Variants in CELSR2 observed in about 807,000 individuals in gnomAD.
The protein encoded by CELSR2 is EGF-like protein 2.
CELSR2 carries 81 observed loss-of-function variants against 251.6 expected under a neutral mutation model. That is an observed-to-expected ratio of 0.32 (90% CI 0.27 to 0.39). The LOEUF (loss-of-function observed/expected upper bound fraction) is 0.39, where lower values mean the gene tolerates loss of function less well. Among genes scored for constraint, CELSR2 ranks in the 10% least tolerant of loss-of-function variants. The pLI is 1.00. For synonymous variants in CELSR2, 1,721 were observed against 1,670.5 expected (o/e 1.03, Z -0.74); for missense variants, 3,365 against 3,947.7 (o/e 0.85, Z 3.96).
intron 1 of CELSR2, among the ~76,000 whole-genome samples, chr1:109,256,132 A>T (rs1031829722): frequency 1.3e-5 from 2 of 152,206 alleles, no homozygotes; most frequent in Non-Finnish European, 2.9e-5. Context: ...TACCAGGTAT[A>T]CAAGAGCTCT....
chr1:109,267,727 C>T, intron 16 of CELSR2, 85 bp downstream of exon 16: 1 of 1,560,458 alleles, frequency 6.4e-7, no homozygotes, highest in Non-Finnish European at 8.7e-7. Context: ...GAGAACGGGG[C>T]TTCTGGAATT....
chr1:109,264,454 G>A lies in CELSR2; in HGVS notation c.5290G>A (p.Gly1764Ser), dbSNP rs1458663629. 6.2e-7 allele frequency: 1 copy of A among 1,611,790 alleles called. No individual in the cohort carries two copies. The highest frequency in any genetic ancestry group is 1.1e-5 in the South Asian group (1 of 91,060). ...VARGFRGCLQGVRVSDTPEGV... is the reference protein window; with the variant it reads ...VARGFRGCLQSVRVSDTPEGV... ...GCAACACTGCTCCTGTCCCTCCCAG[G>A]GTGTGCGGGTGAGCGATACGCCGGA... is the stretch of plus-strand genomic sequence containing the variant. Residue 1764 changes from glycine (G) to serine (S), a missense_variant and splice_region_variant, in exon 11 of 34, where the codon GGT becomes AGT. By Grantham distance (56) the Gly-to-Ser change is moderately conservative. Coordinates refer to ENST00000271332, the MANE Select transcript of CELSR2 (RefSeq NM_001408.3).
At position 109,261,788 on chromosome 1, in the gene CELSR2, T is replaced by A. The variant is rs769583748; in HGVS notation, c.4298-20T>A. ...CCTAGCCCTCGTCAGGCATTCCAGCTCACCTGGTCCTTTCCCCAGGGGAGT... is the reference window on the plus strand; with the variant it reads ...CCTAGCCCTCGTCAGGCATTCCAGCACACCTGGTCCTTTCCCCAGGGGAGT... On this transcript the variant is annotated intron_variant, in intron 4 of 33. Coordinates refer to ENST00000271332, the MANE Select transcript of CELSR2 (RefSeq NM_001408.3). The surrounding 1 kb of genome is among the most constrained non-coding windows in gnomAD (Gnocchi z 4.8). 6.3e-7 allele frequency: 1 copy of A among 1,580,486 alleles called. No homozygotes were observed. Among genetic ancestry groups the A allele is most frequent in the African/African-American group, 1.3e-5 (1 of 74,104 alleles).
rs763005870 is a variant in CELSR2 at position 109,261,211 on chromosome 1, C to T, written c.4128C>T (p.Ser1376=). The part of the protein sequence containing the change: ...QVTTRSFPAH[S]FITFRGLRQR... ...CCACGCGCAGCTTCCCCGCCCACTC[C>T]TTCATCACCTTTCGCGGCCTGCGCC... The change falls in exon 3 of 34, where the codon TCC becomes TCT. Residue 1376 remains serine, a synonymous_variant. Transcript: ENST00000271332. The surrounding 1 kb of genome is among the most constrained non-coding windows in gnomAD (Gnocchi z 4.8). 23 of 1,613,962 alleles carry T rather than the reference C, an allele frequency of 1.4e-5. 1 individual carries two copies. In the South Asian group the frequency reaches 2.1e-4, roughly 15 times the overall value.
rs1655700605 is a variant in CELSR2 at position 109,251,842 on chromosome 1, C to T, written c.1763C>T (p.Pro588Leu). 3 of 1,614,148 alleles carry T rather than the reference C, an allele frequency of 1.9e-6. No homozygotes were observed. The highest frequency in any genetic ancestry group is 8.5e-7 in the Non-Finnish European group (1 of 1,180,016). ...GTAGAAGCTCGAGACCATGGCACTC[C>T]AGCACTCACTGCCTCGGCCAGTGTC... ...FGVEARDHGT[P>L]ALTASASVSV... Residue 588 changes from proline to leucine, a missense_variant, in exon 1 of 34, where the codon CCA (proline) becomes CTA (leucine). Transcript: ENST00000271332. The surrounding 1 kb of genome is among the most constrained non-coding windows in gnomAD (Gnocchi z 4.9).
chr1:109,264,659 T>A (rs186752089), intron 11 of CELSR2, 31 bp downstream of exon 11: 1 of 1,600,788 alleles, frequency 6.2e-7, no homozygotes, highest in East Asian at 2.2e-5. Flanking sequence ...AACGGGCAGG[T>A]TATCAGGTGC....
chr1:109,268,445 CAG>C, intron 17 of CELSR2, 134 bp from the exon 18 acceptor site: 1 of 1,198,120 alleles, frequency 8.3e-7, no homozygotes, highest in Non-Finnish European at 1.1e-6. Context: ...AGGAGCATTT[CAG>C]GGGAGGCAAC....
In CELSR2 at chr1:109,253,316, G is replaced by T; in HGVS notation, c.3237G>T (p.Thr1079=). ...ELSLVLLNAS[T]GELKLSRALD... is the part of the protein sequence containing the mutation. ...GCCTGGTCCTGCTCAATGCCTCCAC[G>T]GGTGAGCTGAAGCTAAGCCGCGCAC... Residue 1079 remains threonine, a synonymous_variant, in exon 1 of 34, where the codon ACG becomes ACT. Coordinates refer to ENST00000271332, the MANE Select transcript of CELSR2 (RefSeq NM_001408.3). 2 of 1,613,404 alleles carry T rather than the reference G, an allele frequency of 1.2e-6. No homozygotes were observed. The highest frequency in any genetic ancestry group is 2.2e-5 in the South Asian group (2 of 91,078).
chr1:109,258,811 C>T lies in CELSR2; in HGVS notation c.3690C>T (p.Asn1230=), dbSNP rs1419905630. The T allele has an allele frequency of 2.5e-6, 4 of 1,611,668 alleles. No individual in the cohort carries two copies. The African/African-American group carries it at 4.0e-5, about 16-fold the overall frequency. ...SAQRVLPFDD[N]ICLREPCENY... ...AGCGCGTGCTGCCCTTCGACGACAA[C>T]ATCTGCCTGCGGGAGCCCTGCGAGA... The change falls in exon 2 of 34, where the codon AAC becomes AAT. Residue 1230 remains asparagine, a synonymous_variant. Transcript: ENST00000271332.
Position 109,249,741 on chromosome 1 carries a change from C to A in CELSR2, c.-339C>A, listed in dbSNP as rs1041253237. 3.4e-5 allele frequency among the ~76,000 whole-genome samples: 5 copies of A among 149,160 alleles called. No homozygotes were observed. The highest frequency in any genetic ancestry group is 1.2e-4 in the African/African-American group (5 of 41,046). On this transcript the variant is annotated 5_prime_UTR_variant, in exon 1 of 34. Transcript: ENST00000271332. ...TCCCATAGGGGCGGAGGGGGCACCC[C>A]GGCTCCGGAACCCGGGGCCCGGCAA...
Position 109,273,616 on chromosome 1 carries a change from C to T in CELSR2, c.8690C>T (p.Pro2897Leu), listed in dbSNP as rs549643158. The part of the protein sequence containing the change: ...SLQEQLNGVM[P>L]IAMSIKAGTV... Reference sequence around the variant, plus strand: ...CAGGAGCAGCTGAACGGGGTCATGCCCATCGCCATGAGCATCAAGGCAGGC... The same window carrying T: ...CAGGAGCAGCTGAACGGGGTCATGCTCATCGCCATGAGCATCAAGGCAGGC... The change falls in exon 33 of 34, where the codon CCC (proline) becomes CTC (leucine). Residue 2897 changes from proline (P) to leucine (L), a missense_variant. Physicochemically the swap from Pro to Leu is moderately conservative, Grantham distance 98. Around this residue, in one of 5 missense-constraint regions of CELSR2, gnomAD observed 2,093 missense variants for 2,382.8 expected, o/e 0.88. Coordinates refer to ENST00000271332, the MANE Select transcript of CELSR2 (RefSeq NM_001408.3). 2 of 1,533,740 alleles carry T rather than the reference C, an allele frequency of 1.3e-6. No homozygotes were observed. The highest frequency in any genetic ancestry group is 2.4e-5 in the South Asian group (2 of 83,008).
intron 9 of CELSR2, 29 bp from the exon 10 acceptor site, chr1:109,264,049 G>C (rs1321123269): frequency 5.2e-6 from 8 of 1,547,476 alleles, no homozygotes; most frequent in Admixed American, 3.7e-5. Flanking sequence ...GCCGTCTGCT[G>C]ACCCTGTTTT....
chr1:109,270,634 C>T (rs1276899313), intron 24 of CELSR2, 34 bp downstream of exon 24: 1 of 1,603,686 alleles, frequency 6.2e-7, no homozygotes, highest in East Asian at 2.2e-5. Flanking sequence ...TGGGGTCCCA[C>T]ATCCCTGGGT....
Position 109,261,065 on chromosome 1 carries a change from C to A in CELSR2, c.3982C>A (p.Arg1328Ser), listed in dbSNP as rs745337752. Residue 1328 changes from arginine to serine, a missense_variant, in exon 3 of 34, where the codon CGC becomes AGC. Physicochemically the swap from Arg to Ser is moderately radical, Grantham distance 110. Coordinates refer to ENST00000271332, the MANE Select transcript of CELSR2 (RefSeq NM_001408.3). This position sits in a 1 kb window ranked among gnomAD's most constrained non-coding sequence, Gnocchi z 4.8. ...AGGTGAGCACTGTGAGGTGAGTGCT[C>A]GCTCAGGCCGTTGCACCCCGGGTGT... ...YTGEHCEVSA[R>S]SGRCTPGVCK... 3 of 1,613,224 alleles carry A rather than the reference C, an allele frequency of 1.9e-6. No homozygotes were observed. Among genetic ancestry groups the A allele is most frequent in the East Asian group, 4.5e-5 (2 of 44,884 alleles).
At chr1:109,256,272 G>A (rs1655843424) in intron 1 of CELSR2, among the ~76,000 whole-genome samples, 1 of 152,202 alleles carries the variant, frequency 6.6e-6, no homozygotes, top group Non-Finnish European at 1.5e-5. Context: ...AGGACTGTGG[G>A]CTGGTGTCTG....
chr1:109,271,342 T>C, intron 26 of CELSR2, 44 bp from the exon 27 acceptor site: 1 of 1,613,696 alleles, frequency 6.2e-7, no homozygotes, highest in African/African-American at 1.3e-5. Flanking sequence ...GGCACCAGCA[T>C]GGGAGGTCTC....
Position 109,274,425 on chromosome 1 carries a change from C to T in CELSR2, c.*376C>T. On this transcript the variant is annotated 3_prime_UTR_variant, in exon 34 of 34. Coordinates refer to ENST00000271332, the MANE Select transcript of CELSR2 (RefSeq NM_001408.3). ...CTTTCCCTTCCCAAAGAGGATAGGA[C>T]CTCCCAGGATGCTTCCCAGCCTCTC... is the stretch of plus-strand genomic sequence containing the variant. 1 of 296,968 alleles carries T rather than the reference C, an allele frequency of 3.4e-6. No individual in the cohort carries two copies. Among genetic ancestry groups the T allele is most frequent in the Non-Finnish European group, 6.3e-6 (1 of 159,278 alleles). The allele number at this position is 296,968 out of a possible 1,614,324, so 18.4% of individuals were successfully genotyped here. A position where few individuals can be genotyped will look rare whatever the true frequency, so the allele number is the denominator to read the frequency against.
Position 109,251,120 on chromosome 1 carries a change from G to A in CELSR2, c.1041G>A (p.Gly347=), listed in dbSNP as rs981761180. The A allele has an allele frequency of 5.0e-6, 8 of 1,613,282 alleles. No homozygotes were observed. Among genetic ancestry groups the A allele is most frequent in the Non-Finnish European group, 6.8e-6 (8 of 1,179,932 alleles). ...SEVFEIDPRS[G]VIRTRGPVDR... Reference sequence around the variant, plus strand: ...TCTTTGAGATCGACCCTCGCTCTGGGGTGATCCGAACCCGTGGCCCTGTGG... The same window carrying A: ...TCTTTGAGATCGACCCTCGCTCTGGAGTGATCCGAACCCGTGGCCCTGTGG... Residue 347 remains glycine (G), a synonymous_variant, in exon 1 of 34, where the codon GGG becomes GGA. Coordinates refer to ENST00000271332, the MANE Select transcript of CELSR2 (RefSeq NM_001408.3). The surrounding 1 kb of genome is among the most constrained non-coding windows in gnomAD (Gnocchi z 4.9).
intron 18 of CELSR2, 55 bp from the exon 19 acceptor site, chr1:109,268,825 G>C: frequency 6.3e-7 from 1 of 1,584,132 alleles, no homozygotes; most frequent in Non-Finnish European, 8.6e-7. Flanking sequence ...AAGAGCGGCT[G>C]TGCTGGGGTC....
Sources: gnomAD v4.1 joint callset for allele counts (sites outside exome capture counted in the v4.1 genomes callset) on GRCh38, gnomAD v4.1.1 for gene constraint, gnomAD v4.1.1 regional missense constraint, Gnocchi (gnomAD v3.1) non-coding constraint, MANE v1.5 for transcripts, NCBI Gene and HGNC (gene_info 2026-07-23, HGNC 2026-07-21) for gene names.